Variants in DYNLRB2 observed in about 807,000 individuals in gnomAD.
DYNLRB2 encodes dynein light chain roadblock-type 2.
In DYNLRB2, 14 loss-of-function variants were observed where a neutral mutation model predicts 12.6. The ratio of observed to expected loss-of-function variants is 1.11; its 90% CI spans 0.73 to 1.73. The LOEUF is 1.73. DYNLRB2 is among the 40% of genes most tolerant of loss of function. DYNLRB2 has a pLI of 0.00. For synonymous variants in DYNLRB2, 53 were observed against 37.0 expected, an observed-to-expected ratio of 1.43 and a Z score of -1.57; for missense variants, 142 against 117.7, an observed-to-expected ratio of 1.21 and a Z score of -0.95.
chr16:80,549,026 TATAAAA>T (rs1567518827), intron 2 of DYNLRB2: 2 of 455,864 alleles, frequency 4.4e-6, no homozygotes, highest in Non-Finnish European at 8.8e-6. Context: ...GTGCATTTCA[TATAAAA>T]ATATGTTAAC....
intron 1 of DYNLRB2, among the ~76,000 whole-genome samples, chr16:80,542,788 G>C (rs765708751): frequency 6.6e-6 from 1 of 152,084 alleles, no homozygotes. Context: ...TTAATCATCC[G>C]AACTGATTAG....
chr16:80,548,311 G>A (rs1312168889), intron 2 of DYNLRB2: 6 of 157,166 alleles, frequency 3.8e-5, no homozygotes, highest in East Asian at 1.9e-4. Flanking sequence ...GTACATAATA[G>A]GCATTAATGC....
Position 80,549,652 on chromosome 16 carries a change from G to A in DYNLRB2, c.247+1G>A. On this transcript the variant is annotated splice_donor_variant, in intron 3 of 3. Transcript: ENST00000305904. LOFTEE classifies it high-confidence loss of function. ...AAACATGAAATCATGGTAGCTCCAG[G>A]TAATTTGGCATTTCATTTCCTAGTT... 1.3e-6 allele frequency: 2 copies of A among 1,580,852 alleles called. No individual in the cohort carries two copies. The highest frequency in any genetic ancestry group is 2.3e-5 in the South Asian group (2 of 87,032).
chr16:80,550,382 G>A lies in DYNLRB2; in HGVS notation c.248-133G>A, dbSNP rs143087340. The A allele has an allele frequency of 3.6e-4, 334 of 940,680 alleles. No individual in the cohort carries two copies. In the African/African-American group the frequency reaches 4.9e-3, roughly 14 times the overall value. The allele number at this position is 940,680 out of a possible 1,614,324, so 58.3% of individuals were successfully genotyped here. ...TAAAGACTGAACAGGTAATTCATACGTGCAGATAGGGTGGGAAACCATCTG... is the reference window on the plus strand; with the variant it reads ...TAAAGACTGAACAGGTAATTCATACATGCAGATAGGGTGGGAAACCATCTG... On this transcript the variant is annotated intron_variant, in intron 3 of 3. Transcript: ENST00000305904.
At chr16:80,543,451 A>AAAATATAT in intron 2 of DYNLRB2, 100 bp downstream of exon 2, 2 of 1,124,280 alleles carry the variant, frequency 1.8e-6, no homozygotes, top group Non-Finnish European at 2.6e-6. Flanking sequence ...TTTGACATCA[A>AAAATATAT]AAATATATTT....
rs1245836840 is a variant in DYNLRB2, at chr16:80,541,009, G to T, written c.-68G>T. ...TCCTTTTTTGTCTCCTAGCAACGGC[G>T]GGTAGCGTTGTTGACATCCCGGGAG... is the stretch of plus-strand genomic sequence containing the variant. On this transcript the variant is annotated 5_prime_UTR_variant, in exon 1 of 4. Coordinates refer to ENST00000305904, the MANE Select transcript of DYNLRB2 (RefSeq NM_130897.3). The T allele has an allele frequency of 1.3e-6, 2 of 1,581,914 alleles. No individual in the cohort carries two copies. Among genetic ancestry groups the T allele is most frequent in the Non-Finnish European group, 1.7e-6 (2 of 1,160,204 alleles).
At chr16:80,543,648 A>T (rs1904310474) in intron 2 of DYNLRB2, among the ~76,000 whole-genome samples, 1 of 152,200 alleles carries the variant, frequency 6.6e-6, no homozygotes, top group South Asian at 2.1e-4. Context: ...AACATTTCAG[A>T]AGTGCCAATA....
chr16:80,540,734 G>C (rs1302784463), upstream of DYNLRB2: 1 of 702,622 alleles, frequency 1.4e-6, no homozygotes, highest in Admixed American at 2.0e-5. Context: ...GAACGAATAA[G>C]TGGTTATCAC....
intron 2 of DYNLRB2, among the ~76,000 whole-genome samples, chr16:80,545,788 G>A (rs911572197): frequency 6.9e-6 from 1 of 145,072 alleles, no homozygotes. Flanking sequence ...CCATTCTCCT[G>A]CCTCAGCCTC....
At position 80,541,095 on chromosome 16, in the gene DYNLRB2, C is replaced by G. The variant is rs766265562; in HGVS notation, c.3+16C>G. Reference sequence around the variant, plus strand: ...CTCCGCGATGGTAAATCTGGGGTCTCCGTCCACGCCCCGCCGTTCCAAGCA... The same window carrying G: ...CTCCGCGATGGTAAATCTGGGGTCTGCGTCCACGCCCCGCCGTTCCAAGCA... On this transcript the variant is annotated intron_variant, in intron 1 of 3. Transcript: ENST00000305904. 2.5e-6 allele frequency: 4 copies of G among 1,599,410 alleles called. No homozygotes were observed. Among genetic ancestry groups the G allele is most frequent in the Non-Finnish European group, 3.4e-6 (4 of 1,171,304 alleles).
At chr16:80,543,161 C>T in intron 1 of DYNLRB2, 115 bp from the exon 2 acceptor site, 1 of 1,020,926 alleles carries the variant, frequency 9.8e-7, no homozygotes, top group Non-Finnish European at 1.4e-6. Flanking sequence ...ATTATCACAC[C>T]TGGCACCTTA....
chr16:80,540,913 G>T (rs887571595), upstream of DYNLRB2: 2 of 1,305,356 alleles, frequency 1.5e-6, no homozygotes, highest in Non-Finnish European at 2.2e-6. Context: ...GAGGCATCAG[G>T]AGCGCGGTCA....
At chr16:80,540,957 C>T, upstream of DYNLRB2, 1 of 1,548,464 alleles carries the variant, frequency 6.5e-7, no homozygotes, top group East Asian at 2.4e-5. Flanking sequence ...CGCGCAGGCG[C>T]AGCCCTGACG....
intron 2 of DYNLRB2, among the ~76,000 whole-genome samples, chr16:80,543,851 C>G (rs1290547219): frequency 6.6e-6 from 1 of 152,154 alleles, no homozygotes; most frequent in African/African-American, 2.4e-5. Context: ...TAAGAAGGCC[C>G]TACATATTTC....
intron 1 of DYNLRB2, chr16:80,541,436 A>G (rs1904287369): frequency 1.1e-5 from 11 of 973,932 alleles, no homozygotes; most frequent in African/African-American, 1.8e-5. Flanking sequence ...GATGGAGAGG[A>G]AAAAAAATCA....
In DYNLRB2 at chr16:80,543,355, A is replaced by G; in HGVS notation, c.79+4A>G. 6.2e-7 allele frequency: 1 copy of G among 1,613,854 alleles called. No individual in the cohort carries two copies. Among genetic ancestry groups the G allele is most frequent in the Non-Finnish European group, 8.5e-7 (1 of 1,179,792 alleles). ...ACTATGGTTGTAAATGCAGAAGGTA[A>G]ATATATCACAGGCTGTCTTCTTGAC... On this transcript the variant is annotated splice_donor_region_variant and intron_variant, in intron 2 of 3. Transcript: ENST00000305904.
chr16:80,550,637 C>T lies in DYNLRB2; in HGVS notation c.*79C>T. ...TCTCATGAGTATTAAAATTCTATTT[C>T]AATCTAACTGACCCTTCAAACATTC... is the stretch of plus-strand genomic sequence containing the variant. On this transcript the variant is annotated 3_prime_UTR_variant, in exon 4 of 4. Coordinates refer to ENST00000305904, the MANE Select transcript of DYNLRB2 (RefSeq NM_130897.3). 1.4e-6 allele frequency: 2 copies of T among 1,436,986 alleles called. No homozygotes were observed. Among genetic ancestry groups the T allele is most frequent in the South Asian group, 2.3e-5 (2 of 86,828 alleles). 89.0% of individuals were successfully genotyped at this position (1,436,986 alleles called of 1,614,324 possible). A position where few individuals can be genotyped will look rare whatever the true frequency, so the allele number is the denominator to read the frequency against.
chr16:80,541,254 G>C, intron 1 of DYNLRB2, 175 bp downstream of exon 1: 4 of 955,510 alleles, frequency 4.2e-6, no homozygotes, highest in Non-Finnish European at 5.0e-6. Flanking sequence ...AAAGGGGCAA[G>C]AAGATGTCTA....
intron 2 of DYNLRB2, chr16:80,548,915 T>C (rs1212653726): frequency 2.2e-6 from 1 of 456,024 alleles, no homozygotes; most frequent in Admixed American, 2.3e-5. Context: ...GCATGTGCAG[T>C]GATATCCCTT....
Sources: allele counts gnomAD v4.1 joint callset (sites outside exome capture counted in the v4.1 genomes callset), GRCh38; gene constraint gnomAD v4.1.1; transcripts MANE v1.5; gene names NCBI Gene and HGNC (gene_info 2026-07-23, HGNC 2026-07-21).